Variants in ZNF148 observed in about 807,000 individuals in gnomAD.
ZNF148 encodes Beta-Enolase Repressor Factor-1.
ZNF148 carries 7 observed loss-of-function variants against 67.7 expected under a neutral mutation model. The ratio of observed to expected loss-of-function variants is 0.10; its 90% CI spans 0.06 to 0.19. ZNF148 has a LOEUF of 0.19. Ranked by LOEUF, ZNF148 falls within the 10% of genes least tolerant of loss-of-function variation. ZNF148 has a pLI of 1.00. For synonymous variants in ZNF148, 333 were observed against 330.7 expected, an observed-to-expected ratio of 1.01 and a Z score of -0.08; for missense variants, 583 against 947.1, an observed-to-expected ratio of 0.62 and a Z score of 5.05.
intron 4 of ZNF148, among the ~76,000 whole-genome samples, chr3:125,293,045 T>C (rs1463786395): frequency 6.6e-6 from 1 of 152,230 alleles, no homozygotes; most frequent in African/African-American, 2.4e-5. Context: ...TATTTACAAA[T>C]GTTACATGCT....
At chr3:125,298,844 G>C (rs768846183) in intron 4 of ZNF148, among the ~76,000 whole-genome samples, 1 of 151,866 alleles carries the variant, frequency 6.6e-6, no homozygotes, top group African/African-American at 2.4e-5. Context: ...AGCCAGGATG[G>C]TCTCAATCTC....
chr3:125,242,660 A>G (rs1189815287), intron 7 of ZNF148, among the ~76,000 whole-genome samples: 2 of 152,170 alleles, frequency 1.3e-5, no homozygotes, highest in Non-Finnish European at 1.5e-5. Flanking sequence ...ACAAAAATGA[A>G]AAACAAATCC....
intron 1 of ZNF148, among the ~76,000 whole-genome samples, chr3:125,359,321 A>G (rs1266624408): frequency 6.6e-6 from 1 of 152,258 alleles, no homozygotes; most frequent in Non-Finnish European, 1.5e-5. Flanking sequence ...AAGCTACACT[A>G]GGATGGAACA....
intron 4 of ZNF148, among the ~76,000 whole-genome samples, chr3:125,307,102 A>G (rs1298934180): frequency 2.0e-5 from 3 of 152,118 alleles, no homozygotes; most frequent in Non-Finnish European, 4.4e-5. Context: ...ATAAACATAC[A>G]AATGTTTAAA....
intron 7 of ZNF148, among the ~76,000 whole-genome samples, chr3:125,237,577 A>G (rs1053537267): frequency 6.6e-6 from 1 of 152,162 alleles, no homozygotes; most frequent in Non-Finnish European, 1.5e-5. Flanking sequence ...GTGAGACCCC[A>G]TCTCAAAAAA....
chr3:125,232,924 A>G lies in ZNF148; in HGVS notation c.1802T>C (p.Met601Thr). The change falls in exon 9 of 9, where the codon ATG becomes ACG. Residue 601 changes from methionine (M) to threonine (T), a missense_variant. This residue lies in a region of ZNF148 where 172 missense variants were observed against 307.7 expected (regional missense o/e 0.56). Transcript: ENST00000360647. This position sits in a 1 kb window ranked among gnomAD's most constrained non-coding sequence, Gnocchi z 4.2. ...SQASSSDKAN[M>T]LQEYSKFLQQ... ...CAGAAACTTGGAGTATTCCTGCAAC[A>G]TGTTGGCTTTATCTGATGAGGATGC... 2 of 1,613,862 alleles carry G rather than the reference A, an allele frequency of 1.2e-6. No individual in the cohort carries two copies. Among genetic ancestry groups the G allele is most frequent in the Non-Finnish European group, 1.7e-6 (2 of 1,179,812 alleles).
intron 7 of ZNF148, among the ~76,000 whole-genome samples, chr3:125,244,658 C>T (rs977421476): frequency 9.9e-5 from 15 of 152,076 alleles, no homozygotes; most frequent in African/African-American, 3.6e-4. Context: ...CCACCATGCC[C>T]AGCTTATTTT....
intron 4 of ZNF148, among the ~76,000 whole-genome samples, chr3:125,293,211 G>A (rs958399521): frequency 2.6e-5 from 4 of 151,948 alleles, no homozygotes; most frequent in East Asian, 1.9e-4. Context: ...GGGACCCCAC[G>A]GCCAGAACAT....
Position 125,233,666 on chromosome 3 carries a change from T to C in ZNF148, c.1060A>G (p.Lys354Glu), listed in dbSNP as rs1560102397. ...GCAACCATATACTCATCTTTTACTT[T>C]AGTACTTGAAGAATAAAGAGGCAAG... The part of the protein sequence containing the change: ...DYLPLYSSST[K>E]VKDEYMVAEY... The change falls in exon 9 of 9, where the codon AAA becomes GAA. Residue 354 changes from lysine to glutamate, a missense_variant. By Grantham distance (56) the Lys-to-Glu change is moderately conservative. This residue lies in a region of ZNF148 where 78 missense variants were observed against 86.5 expected (regional missense o/e 0.90). Transcript: ENST00000360647. The surrounding 1 kb of genome is among the most constrained non-coding windows in gnomAD (Gnocchi z 5.1). 6.2e-7 allele frequency: 1 copy of C among 1,614,014 alleles called. No individual in the cohort carries two copies. The highest frequency in any genetic ancestry group is 8.5e-7 in the Non-Finnish European group (1 of 1,179,932).
intron 4 of ZNF148, among the ~76,000 whole-genome samples, chr3:125,293,109 C>T (rs1939104732): frequency 6.6e-6 from 1 of 152,128 alleles, no homozygotes; most frequent in Admixed American, 6.5e-5. Context: ...TTAAATTTCT[C>T]AGCTTTAGTT....
In ZNF148 at chr3:125,290,180, G is replaced by A. The variant is rs114165153; in HGVS notation, c.334-1952C>T. Among the ~76,000 whole-genome samples the A allele has an allele frequency of 5.4e-3, 829 of 152,164 alleles. 6 individuals carry two copies. Among genetic ancestry groups the A allele is most frequent in the African/African-American group, 0.019 (775 of 41,516 alleles). ...CTTCCCACTTTGATACTACAGAAGC[G>A]GTCAGACATGATTTCCTTTTCATAT... On this transcript the variant is annotated intron_variant, in intron 4 of 8. Transcript: ENST00000360647.
At chr3:125,266,683 C>A (rs1480069699) in intron 7 of ZNF148, among the ~76,000 whole-genome samples, 2 of 152,006 alleles carry the variant, frequency 1.3e-5, no homozygotes, top group African/African-American at 2.4e-5. Flanking sequence ...CAAGAACAAA[C>A]TAATCCCAAG....
Position 125,313,475 on chromosome 3 carries a change from C to T in ZNF148, c.166G>A (p.Glu56Lys). 6.2e-7 allele frequency: 1 copy of T among 1,614,150 alleles called. No homozygotes were observed. The highest frequency in any genetic ancestry group is 1.1e-5 in the South Asian group (1 of 91,080). Residue 56 changes from glutamate to lysine, a missense_variant, in exon 4 of 9, where the codon GAG becomes AAG. By Grantham distance (56) the Glu-to-Lys change is moderately conservative. Transcript: ENST00000360647. ...VLQDRSMPHQ[E>K]ILAADEVLQE... is the part of the protein sequence containing the mutation. ...AACACTTCATCTGCAGCAAGGATCTCCTGGTGAGGCATACTTCGATCTTGA... is the reference window on the plus strand; with the variant it reads ...AACACTTCATCTGCAGCAAGGATCTTCTGGTGAGGCATACTTCGATCTTGA...
intron 2 of ZNF148, among the ~76,000 whole-genome samples, chr3:125,327,008 A>G (rs1176033907): frequency 2.0e-5 from 3 of 151,826 alleles, no homozygotes; most frequent in Non-Finnish European, 4.4e-5. Context: ...AATTCCAACT[A>G]TATGCTGTCA....
chr3:125,268,926 A>G (rs1937603137), intron 7 of ZNF148, among the ~76,000 whole-genome samples: 2 of 152,194 alleles, frequency 1.3e-5, no homozygotes, highest in African/African-American at 4.8e-5. Context: ...AGAATGGGAG[A>G]AAATATTCAC....
At chr3:125,294,407 G>A (rs193157774) in intron 4 of ZNF148, among the ~76,000 whole-genome samples, 2 of 152,198 alleles carry the variant, frequency 1.3e-5, no homozygotes, top group South Asian at 2.1e-4. Context: ...TGTACCATAC[G>A]GTTACATAAG....
intron 4 of ZNF148, among the ~76,000 whole-genome samples, chr3:125,309,239 A>G (rs1940065476): frequency 6.6e-6 from 1 of 152,238 alleles, no homozygotes; most frequent in Non-Finnish European, 1.5e-5. Context: ...TTCCTCAATT[A>G]AAAACAGAAT....
At chr3:125,274,595 C>T (rs936065684) in intron 7 of ZNF148, among the ~76,000 whole-genome samples, 1 of 152,202 alleles carries the variant, frequency 6.6e-6, no homozygotes, top group Non-Finnish European at 1.5e-5. Context: ...CCCAAATCAA[C>T]TATGTTCTTG....
At chr3:125,359,687 A>G (rs979652608) in intron 1 of ZNF148, among the ~76,000 whole-genome samples, 2 of 152,230 alleles carry the variant, frequency 1.3e-5, no homozygotes, top group African/African-American at 2.4e-5. Flanking sequence ...CAATGTCTCT[A>G]TCACTGACAA....
Sources: gnomAD v4.1 joint callset for allele counts (sites outside exome capture counted in the v4.1 genomes callset) on GRCh38, gnomAD v4.1.1 for gene constraint, gnomAD v4.1.1 regional missense constraint, Gnocchi (gnomAD v3.1) non-coding constraint, MANE v1.5 for transcripts, NCBI Gene and HGNC (gene_info 2026-07-23, HGNC 2026-07-21) for gene names.